NBAS: variants seen among roughly 807,000 people sequenced by gnomAD.
The protein encoded by NBAS is NBAS subunit of NRZ tethering complex.
A neutral mutation model predicts 302.5 loss-of-function variants in NBAS; 219 were observed. The ratio of observed to expected loss-of-function variants is 0.72; its 90% CI spans 0.65 to 0.81. The LOEUF (loss-of-function observed/expected upper bound fraction) is 0.81. Among genes scored for constraint, NBAS ranks in the 30% least tolerant of loss-of-function variants. The pLI is 0.00. For missense variants in NBAS, 2,932 were observed against 2,841.6 expected (o/e 1.03, Z -0.72); for synonymous variants, 1,118 against 1,021.6 (o/e 1.09, Z -1.80).
At chr2:15,448,884 C>T (rs1025180092) in intron 21 of NBAS, among the ~76,000 whole-genome samples, 2 of 152,102 alleles carry the variant, frequency 1.3e-5, no homozygotes, top group Non-Finnish European at 2.9e-5. Flanking sequence ...GTTTTACATA[C>T]TAATGAAATG....
intron 28 of NBAS, among the ~76,000 whole-genome samples, chr2:15,388,097 G>C (rs1304062921): frequency 1.1e-4 from 17 of 152,198 alleles, no homozygotes; most frequent in African/African-American, 4.1e-4. Flanking sequence ...AAACAGATGA[G>C]TGAGAAGAAT....
chr2:15,229,364 A>AC (rs1215254940), intron 47 of NBAS, among the ~76,000 whole-genome samples: 8 of 148,944 alleles, frequency 5.4e-5, no homozygotes, highest in African/African-American at 2.0e-4. Flanking sequence ...AAAAAAAAAA[A>AC]AAAAAAAAAA....
At chr2:15,397,606 A>G (rs35131126) in intron 26 of NBAS, 399,292 of 601,358 alleles carry the variant, frequency 0.66, 135,770 homozygotes, top group Middle Eastern at 0.72. Flanking sequence ...CATAGGTTTC[A>G]AAGACGCTCG....
At chr2:15,286,685 C>T (rs1670058717) in intron 42 of NBAS, among the ~76,000 whole-genome samples, 1 of 152,218 alleles carries the variant, frequency 6.6e-6, no homozygotes, top group African/African-American at 2.4e-5. Flanking sequence ...GCTAACTATG[C>T]CAAACCCTCC....
At chr2:14,924,883 A>G in the NBAS span, among the ~76,000 whole-genome samples, 1 of 152,060 alleles carries the variant, frequency 6.6e-6, no homozygotes, top group Admixed American at 6.6e-5. Flanking sequence ...ATGCAAATAC[A>G]CCCTACAAGA....
At chr2:14,969,613 G>A in the NBAS span, among the ~76,000 whole-genome samples, 1 of 152,180 alleles carries the variant, frequency 6.6e-6, no homozygotes, top group Non-Finnish European at 1.5e-5. Context: ...CTGACCGCAG[G>A]TGATCCGCCT....
At chr2:14,984,005 G>A in the NBAS span, among the ~76,000 whole-genome samples, 1 of 152,174 alleles carries the variant, frequency 6.6e-6, no homozygotes, top group African/African-American at 2.4e-5. Context: ...GCCAACCCTG[G>A]TTCTTTAATG....
At chr2:14,820,525 G>C in the NBAS span, among the ~76,000 whole-genome samples, 1 of 152,154 alleles carries the variant, frequency 6.6e-6, no homozygotes, top group Non-Finnish European at 1.5e-5. Flanking sequence ...GGAAAGTGTA[G>C]CACAGGGGTT....
the NBAS span, among the ~76,000 whole-genome samples, chr2:14,931,796 C>T: frequency 1.1e-4 from 16 of 152,298 alleles, no homozygotes; most frequent in African/African-American, 3.6e-4. Context: ...AGCAGCAGCC[C>T]TGACCCTTCC....
intron 30 of NBAS, among the ~76,000 whole-genome samples, chr2:15,375,612 T>G (rs573144728): frequency 6.6e-6 from 1 of 152,188 alleles, no homozygotes; most frequent in African/African-American, 2.4e-5. Flanking sequence ...ATAACCTCTT[T>G]GTGGTTTCTA....
chr2:14,912,705 A>T, the NBAS span, among the ~76,000 whole-genome samples: 39 of 34,536 alleles, frequency 1.1e-3, no homozygotes, highest in Non-Finnish European at 2.0e-3. Flanking sequence ...TTCATTTTTA[A>T]AAAAAAAAAA....
chr2:15,269,786 C>T (rs776361337), intron 44 of NBAS, among the ~76,000 whole-genome samples: 55 of 152,166 alleles, frequency 3.6e-4, no homozygotes, highest in Non-Finnish European at 6.2e-4. Context: ...AGTTTTAATG[C>T]GACAGGGTAC....
chr2:14,847,859 C>G, the NBAS span, among the ~76,000 whole-genome samples: 1 of 152,146 alleles, frequency 6.6e-6, no homozygotes, highest in African/African-American at 2.4e-5. Flanking sequence ...GGATCACTCT[C>G]AAGGACAGGC....
chr2:15,285,740 C>T (rs1047340204), intron 42 of NBAS, among the ~76,000 whole-genome samples: 1 of 152,172 alleles, frequency 6.6e-6, no homozygotes, highest in Non-Finnish European at 1.5e-5. Flanking sequence ...GCAACCTCCA[C>T]CTCCTGGGTT....
the NBAS span, among the ~76,000 whole-genome samples, chr2:15,153,897 C>G: frequency 1.3e-5 from 2 of 152,164 alleles, no homozygotes; most frequent in African/African-American, 4.8e-5. Flanking sequence ...ATAAACTAAA[C>G]AGTGCTGTAC....
chr2:15,487,089 T>A (rs555935314), intron 12 of NBAS, among the ~76,000 whole-genome samples: 12 of 152,302 alleles, frequency 7.9e-5, no homozygotes, highest in African/African-American at 2.9e-4. Context: ...TAAAAGTAAT[T>A]TTAAAAAACA....
chr2:14,845,759 A>G, the NBAS span, among the ~76,000 whole-genome samples: 1 of 152,240 alleles, frequency 6.6e-6, no homozygotes, highest in African/African-American at 2.4e-5. Flanking sequence ...AGAACATACA[A>G]TTCACAGGCT....
chr2:15,034,071 A>AGGG, the NBAS span, among the ~76,000 whole-genome samples: 1 of 51,478 alleles, frequency 1.9e-5, no homozygotes, highest in African/African-American at 1.2e-4. Flanking sequence ...GAGGGGAAGG[A>AGGG]GAGGAAGAAG....
chr2:15,223,585 C>T (rs1025787443), intron 47 of NBAS, among the ~76,000 whole-genome samples: 12 of 152,006 alleles, frequency 7.9e-5, no homozygotes, highest in Non-Finnish European at 1.5e-4. Context: ...ATGAAATACA[C>T]TTTGGGAGGC....
Sources: allele counts gnomAD v4.1 joint callset (sites outside exome capture counted in the v4.1 genomes callset), GRCh38; gene constraint gnomAD v4.1.1; transcripts MANE v1.5; gene names NCBI Gene and HGNC (gene_info 2026-07-23, HGNC 2026-07-21).